Variants in LZTR1 observed in about 807,000 individuals in gnomAD.
The protein encoded by LZTR1 is leucine-zipper-like transcriptional regulator 1.
A neutral mutation model predicts 105.7 loss-of-function variants in LZTR1; 260 were observed. The observed-to-expected ratio is 2.46, with a 90% CI of 2.22 to 2.72. LZTR1 has a LOEUF of 2.72. LZTR1 is among the 30% of genes most tolerant of loss of function. LZTR1 has a pLI of 0.00. For synonymous variants in LZTR1, 490 were observed against 476.4 expected, an observed-to-expected ratio of 1.03 and a Z score of -0.37; for missense variants, 1,214 against 1,166.9, an observed-to-expected ratio of 1.04 and a Z score of -0.59.
In LZTR1 at chr22:20,985,866, C is replaced by A; in HGVS notation, c.289C>A (p.Arg97=). 6.2e-7 allele frequency: 1 copy of A among 1,614,152 alleles called. No homozygotes were observed. The highest frequency in any genetic ancestry group is 8.5e-7 in the Non-Finnish European group (1 of 1,180,014). ...GAAGACCATGCTCAATGACCTCCTGCGGTTCGATGTGAAAGACTGCTCCTG... is the reference window on the plus strand; with the variant it reads ...GAAGACCATGCTCAATGACCTCCTGAGGTTCGATGTGAAAGACTGCTCCTG... ...NGKTMLNDLL[R]FDVKDCSWCR... The change falls in exon 3 of 21, where the codon CGG becomes AGG. Residue 97 remains arginine (R), a synonymous_variant. Transcript: ENST00000646124.
At chr22:20,991,274 G>A in intron 8 of LZTR1, 1 of 252,560 alleles carries the variant, frequency 4.0e-6, no homozygotes. Context: ...TGACTGGGCA[G>A]CGTGAACACA....
At chr22:20,984,616 G>C (rs532761739) in intron 2 of LZTR1, among the ~76,000 whole-genome samples, 20 of 34,040 alleles carry the variant, frequency 5.9e-4, no homozygotes, top group African/African-American at 8.9e-4. Flanking sequence ...AGTAAGGAGG[G>C]GGGGGGGGCG....
At position 20,994,011 on chromosome 22, in the gene LZTR1, C is replaced by A; in HGVS notation, c.1441C>A (p.Leu481Met). 6.2e-7 allele frequency: 1 copy of A among 1,608,012 alleles called. No homozygotes were observed. The highest frequency in any genetic ancestry group is 8.5e-7 in the Non-Finnish European group (1 of 1,178,466). ...GAAGATCACGCAGGCGCGGGAGAGG[C>A]TGGCCCAGGTGAGGTGCCTAACCGC... ...RRKITQARER[L>M]AQKLEQEAAP... Residue 481 changes from leucine to methionine, a missense_variant, in exon 13 of 21, where the codon CTG (leucine) becomes ATG (methionine). Leu to Met is a conservative substitution (Grantham distance 15, BLOSUM62 2). Transcript: ENST00000646124.
chr22:20,984,698 C>T (rs1231770858), intron 2 of LZTR1, among the ~76,000 whole-genome samples: 2 of 151,926 alleles, frequency 1.3e-5, no homozygotes, highest in East Asian at 3.9e-4. Flanking sequence ...GCCTTTGAGC[C>T]ACTAGGCTTT....
Position 20,988,269 on chromosome 22 carries a change from T to C in LZTR1, c.509+151T>C, listed in dbSNP as rs1345687311. 10 of 617,660 alleles carry C rather than the reference T, an allele frequency of 1.6e-5. No individual in the cohort carries two copies. The East Asian group carries it at 1.7e-4, about 10-fold the overall frequency. 38.3% of individuals were successfully genotyped at this position (617,660 alleles called of 1,614,324 possible). ...GGTGGAATATCCCCCGGTGCAGCTA[T>C]GCATGGCCTGCTCCCAGCCCTTAGA... On this transcript the variant is annotated intron_variant, in intron 5 of 20. Coordinates refer to ENST00000646124, the MANE Select transcript of LZTR1 (RefSeq NM_006767.4).
intron 16 of LZTR1, 82 bp from the exon 17 acceptor site, chr22:20,995,664 C>T (rs1924807883): frequency 3.9e-6 from 6 of 1,535,640 alleles, no homozygotes; most frequent in Non-Finnish European, 5.4e-6. Flanking sequence ...GCAACATGGG[C>T]AGATATGCAG....
In LZTR1 at chr22:20,994,674, AAC is replaced by A. The variant is rs1460026299; in HGVS notation, c.1733_1734del (p.Asn578SerfsTer90). Reference sequence around the variant, plus strand: ...CATCGAGGCCTCCGTGGACCTGCAGAACGTGCTGGTTGTGTGCGAGAGTGCCG... The same window carrying A: ...CATCGAGGCCTCCGTGGACCTGCAGAGTGCTGGTTGTGTGCGAGAGTGCCG... ...QYIEASVDLQ[N>X]VLVVCESAAR... On this transcript the variant is annotated frameshift_variant, in exon 15 of 21. Coordinates refer to ENST00000646124, the MANE Select transcript of LZTR1 (RefSeq NM_006767.4). LOFTEE classifies it high-confidence loss of function. 1.5e-5 allele frequency: 24 copies of A among 1,612,896 alleles called. No homozygotes were observed. The highest frequency in any genetic ancestry group is 1.9e-5 in the Non-Finnish European group (23 of 1,179,996).
At chr22:20,988,621 C>T (rs1190920854) in intron 5 of LZTR1, among the ~76,000 whole-genome samples, 168 bp from the exon 6 acceptor site, 1 of 152,214 alleles carries the variant, frequency 6.6e-6, no homozygotes, top group East Asian at 1.9e-4. Flanking sequence ...TAGTCGGCCT[C>T]TGGGGCTGTT....
chr22:20,991,751 C>T lies in LZTR1; in HGVS notation c.915C>T (p.Asn305=). The T allele has an allele frequency of 6.4e-7, 1 of 1,565,384 alleles. No individual in the cohort carries two copies. The highest frequency in any genetic ancestry group is 8.7e-7 in the Non-Finnish European group (1 of 1,154,838). The change falls in exon 9 of 21, where the codon AAC becomes AAT. Residue 305 remains asparagine (N), a synonymous_variant. Transcript: ENST00000646124. Reference sequence around the variant, plus strand: ...ATGTGTTTGGGGGTGCGGCCGACAACACGCTGCCCAACGAGCTGCACTGCT... The same window carrying T: ...ATGTGTTTGGGGGTGCGGCCGACAATACGCTGCCCAACGAGCTGCACTGCT... The part of the protein sequence containing the change: ...HLYVFGGAAD[N]TLPNELHCYD...
chr22:20,992,732 C>A, intron 10 of LZTR1, 62 bp from the exon 11 acceptor site: 1 of 1,119,670 alleles, frequency 8.9e-7, no homozygotes, highest in Non-Finnish European at 1.3e-6. Context: ...TACCTGGCTG[C>A]ACCAGCCGCA....
At position 20,986,532 on chromosome 22, in the gene LZTR1, CGATA is replaced by C. The variant is rs544893374; in HGVS notation, c.320+643_320+646del. 6.5e-3 allele frequency: 978 copies of C among 150,834 alleles called. 4 individuals are homozygous for C. Among genetic ancestry groups the C allele is most frequent in the Admixed American group, 0.01 (153 of 15,160 alleles). 9.3% of individuals were successfully genotyped at this position (150,834 alleles called of 1,614,324 possible). ...AGTGGATAGATGATAGATGACAGAT[CGATA>C]GATAGATGATAGGTAGATGATAGGT... On this transcript the variant is annotated intron_variant, in intron 3 of 20. Transcript: ENST00000646124.
rs1028851051 is a variant in LZTR1 at position 20,988,781 on chromosome 22, C to T, written c.510-8C>T. 3.4e-5 allele frequency: 55 copies of T among 1,612,002 alleles called. No individual in the cohort carries two copies. The highest frequency in any genetic ancestry group is 4.5e-5 in the Non-Finnish European group (53 of 1,178,268). On this transcript the variant is annotated splice_polypyrimidine_tract_variant and splice_region_variant and intron_variant, in intron 5 of 20. Transcript: ENST00000646124. Reference sequence around the variant, plus strand: ...CCTCACTCCCTCCCCTCTTCCCTCACACTCCAGGTTGCCAGTCGCTAGGTC... The same window carrying T: ...CCTCACTCCCTCCCCTCTTCCCTCATACTCCAGGTTGCCAGTCGCTAGGTC...
In LZTR1 at chr22:20,996,814, C is replaced by T; in HGVS notation, c.2325+13C>T. On this transcript the variant is annotated intron_variant, in intron 19 of 20. Coordinates refer to ENST00000646124, the MANE Select transcript of LZTR1 (RefSeq NM_006767.4). ...GAACGTGCTGCAGGTAGCCCCCCAG[C>T]CCCGTGCACATGGCTGCAGCTCCCA... 1 of 1,613,296 alleles carries T rather than the reference C, an allele frequency of 6.2e-7. No individual in the cohort carries two copies. Among genetic ancestry groups the T allele is most frequent in the South Asian group, 1.1e-5 (1 of 91,080 alleles).
At chr22:20,986,088 C>T (rs1924370702) in intron 3 of LZTR1, 191 bp downstream of exon 3, 2 of 616,468 alleles carry the variant, frequency 3.2e-6, no homozygotes, top group Non-Finnish European at 5.7e-6. Flanking sequence ...CAAGTAACCA[C>T]CCCGCACCTG....
rs762957611 is a variant in LZTR1, at chr22:20,994,221, G to T, written c.1567G>T (p.Val523Leu). Reference sequence around the variant, plus strand: ...GGAGGCCGAGGCCCGGCCCTTCGAGGTGCTCATGCAGTTCCTCTACACCGA... The same window carrying T: ...GGAGGCCGAGGCCCGGCCCTTCGAGTTGCTCATGCAGTTCCTCTACACCGA... The part of the protein sequence containing the change: ...IREAEARPFE[V>L]LMQFLYTDKI... The change falls in exon 14 of 21, where the codon GTG (valine) becomes TTG (leucine). Residue 523 changes from valine to leucine, a missense_variant. Coordinates refer to ENST00000646124, the MANE Select transcript of LZTR1 (RefSeq NM_006767.4). 7 of 1,600,984 alleles carry T rather than the reference G, an allele frequency of 4.4e-6. No homozygotes were observed. In the East Asian group the frequency reaches 1.1e-4, roughly 25 times the overall value.
Position 20,987,506 on chromosome 22 carries a change from C to T in LZTR1, c.323C>T (p.Ala108Val). The T allele has an allele frequency of 6.2e-7, 1 of 1,610,816 alleles. No individual in the cohort carries two copies. Among genetic ancestry groups the T allele is most frequent in the Non-Finnish European group, 8.5e-7 (1 of 1,177,018 alleles). The change falls in exon 4 of 21, where the codon GCC (alanine) becomes GTC (valine). Residue 108 changes from alanine (A) to valine (V), a missense_variant and splice_region_variant. Coordinates refer to ENST00000646124, the MANE Select transcript of LZTR1 (RefSeq NM_006767.4). Reference protein sequence around the residue: ...FDVKDCSWCRAFTTGTPPAPR... With the variant: ...FDVKDCSWCRVFTTGTPPAPR... ...CACCACCCCTGTGCCCACCCCAGGG[C>T]CTTTACCACTGGGACCCCACCGGCC...
At chr22:20,996,395 C>G in intron 18 of LZTR1, 1 of 593,848 alleles carries the variant, frequency 1.7e-6, no homozygotes, top group South Asian at 2.0e-5. Flanking sequence ...TGAGCACAGA[C>G]ATGGAGGTAC....
intron 11 of LZTR1, 23 bp from the exon 12 acceptor site, chr22:20,993,639 G>T (rs1924682910): frequency 1.2e-6 from 2 of 1,603,600 alleles, no homozygotes; most frequent in East Asian, 4.5e-5. Flanking sequence ...GCAACATCTA[G>T]TCTCACTGGG....
At chr22:20,996,537 A>G in intron 18 of LZTR1, 159 bp from the exon 19 acceptor site, 1 of 626,314 alleles carries the variant, frequency 1.6e-6, no homozygotes, top group Non-Finnish European at 2.9e-6. Flanking sequence ...TTTTCTTTGG[A>G]TCCTGAATGG....
Sources: gnomAD v4.1 joint callset for allele counts (sites outside exome capture counted in the v4.1 genomes callset) on GRCh38, gnomAD v4.1.1 for gene constraint, MANE v1.5 for transcripts, NCBI Gene and HGNC (gene_info 2026-07-23, HGNC 2026-07-21) for gene names.